NCBP3: variants seen among roughly 807,000 people sequenced by gnomAD.
NCBP3 encodes nuclear cap-binding protein subunit 3.
NCBP3 carries 20 observed loss-of-function variants against 75.7 expected under a neutral mutation model. The ratio of observed to expected loss-of-function variants is 0.26; its 90% CI spans 0.19 to 0.38. NCBP3 has a LOEUF of 0.38. Among genes scored for constraint, NCBP3 ranks in the 10% least tolerant of loss-of-function variants. The pLI is 1.00. For missense variants in NCBP3, 678 were observed against 796.9 expected, an observed-to-expected ratio of 0.85 and a Z score of 1.80; for synonymous variants, 293 against 290.5, an observed-to-expected ratio of 1.01 and a Z score of -0.09.
chr17:3,844,545 C>T (rs367894585), intron 1 of NCBP3, among the ~76,000 whole-genome samples: 2 of 152,054 alleles, frequency 1.3e-5, no homozygotes, highest in South Asian at 2.1e-4. Context: ...TGGTACATAG[C>T]GGGGGATGCA....
At chr17:3,838,327 C>T (rs1238516519) in intron 3 of NCBP3, among the ~76,000 whole-genome samples, 1 of 152,228 alleles carries the variant, frequency 6.6e-6, no homozygotes, top group Non-Finnish European at 1.5e-5. Flanking sequence ...GACCAGAGGT[C>T]GACAGGTGTG....
At position 3,833,648 on chromosome 17, in the gene NCBP3, TAA is replaced by T. The variant is rs200503240; in HGVS notation, c.356-4282_356-4281del. Among the ~76,000 whole-genome samples, 436 of 150,616 alleles carry T rather than the reference TAA, an allele frequency of 2.9e-3. 3 individuals carry two copies. Among genetic ancestry groups the T allele is most frequent in the African/African-American group, 9.6e-3 (396 of 41,108 alleles). ...ACAGTGAGACCTTCTCTATTTTTTTTAAAAAAAAAGACATCTGAGGCCAGAAA... is the reference window on the plus strand; with the variant it reads ...ACAGTGAGACCTTCTCTATTTTTTTTAAAAAAAGACATCTGAGGCCAGAAA... On this transcript the variant is annotated intron_variant, in intron 3 of 12. Transcript: ENST00000389005.
chr17:3,806,547 A>G lies in NCBP3; in HGVS notation c.*6497T>C, dbSNP rs1440108965. On this transcript the variant is annotated 3_prime_UTR_variant, in exon 13 of 13. Transcript: ENST00000389005. ...AAATGAACAGTAAGAATCCTGAGGC[A>G]GGGTACTGACCTTGGTAGGTGAAAT... 1 of 152,216 alleles carries G rather than the reference A, an allele frequency of 6.6e-6. No homozygotes were observed. The highest frequency in any genetic ancestry group is 1.5e-5 in the Non-Finnish European group (1 of 68,038). The allele number at this position is 152,216 out of a possible 1,614,324, so 9.4% of individuals were successfully genotyped here.
In NCBP3 at chr17:3,805,683, AG is replaced by A. The variant is rs2053329696; in HGVS notation, c.*7360del. The A allele has an allele frequency of 6.6e-6, 1 of 152,334 alleles. No homozygotes were observed. The highest frequency in any genetic ancestry group is 1.9e-4 in the East Asian group (1 of 5,206). The allele number at this position is 152,334 out of a possible 1,614,324, so 9.4% of individuals were successfully genotyped here. ...CACTGGGTGCTGGGACCAAGGGTCCAGGGGCTTGGATCTCTTGTTTACAAAC... is the reference window on the plus strand; with the variant it reads ...CACTGGGTGCTGGGACCAAGGGTCCAGGGCTTGGATCTCTTGTTTACAAAC... On this transcript the variant is annotated 3_prime_UTR_variant, in exon 13 of 13. Transcript: ENST00000389005.
At position 3,825,748 on chromosome 17, in the gene NCBP3, T is replaced by G; in HGVS notation, c.687+19A>C. 1 of 1,519,342 alleles carries G rather than the reference T, an allele frequency of 6.6e-7. No individual in the cohort carries two copies. Among genetic ancestry groups the G allele is most frequent in the Non-Finnish European group, 8.9e-7 (1 of 1,119,756 alleles). The allele number at this position is 1,519,342 out of a possible 1,614,324, so 94.1% of individuals were successfully genotyped here. On this transcript the variant is annotated intron_variant, in intron 6 of 12. Transcript: ENST00000389005. ...ATTTTTTACAATAACTTTACATCTATCTTTCCCCTATTACTAACCTCTACA... is the reference window on the plus strand; with the variant it reads ...ATTTTTTACAATAACTTTACATCTAGCTTTCCCCTATTACTAACCTCTACA...
At position 3,826,227 on chromosome 17, in the gene NCBP3, T is replaced by C; in HGVS notation, c.482-12A>G. The C allele has an allele frequency of 3.2e-6, 5 of 1,539,386 alleles. No homozygotes were observed. In the South Asian group the frequency reaches 4.8e-5, roughly 15 times the overall value. On this transcript the variant is annotated splice_polypyrimidine_tract_variant and intron_variant, in intron 4 of 12. Transcript: ENST00000389005. Reference sequence around the variant, plus strand: ...CCAAACTACATTACCTAAAATAAAATGTAAAATAAGACATTACACAGCATG... The same window carrying C: ...CCAAACTACATTACCTAAAATAAAACGTAAAATAAGACATTACACAGCATG...
At chr17:3,842,709 G>A (rs924463744) in intron 2 of NCBP3, among the ~76,000 whole-genome samples, 16 of 152,140 alleles carry the variant, frequency 1.1e-4, no homozygotes, top group African/African-American at 3.6e-4. Context: ...GCAGTGGCAC[G>A]ATTTCAGCTC....
chr17:3,826,624 TTG>T (rs1408706530), intron 4 of NCBP3, among the ~76,000 whole-genome samples: 1 of 146,778 alleles, frequency 6.8e-6, no homozygotes, highest in African/African-American at 2.5e-5. Context: ...GGGTGAGACT[TTG>T]TCTCAAAAGA....
chr17:3,832,539 G>A lies in NCBP3; in HGVS notation c.356-3171C>T, dbSNP rs1290379600. Among the ~76,000 whole-genome samples, 2 of 135,422 alleles carry A rather than the reference G, an allele frequency of 1.5e-5. 1 individual carries two copies. Among genetic ancestry groups the A allele is most frequent in the Non-Finnish European group, 3.4e-5 (2 of 59,172 alleles). The allele number at this position is 135,422 out of a possible 152,430, so 88.8% of individuals were successfully genotyped here. A position where few individuals can be genotyped will look rare whatever the true frequency, so the allele number is the denominator to read the frequency against. On this transcript the variant is annotated intron_variant, in intron 3 of 12. Coordinates refer to ENST00000389005, the MANE Select transcript of NCBP3 (RefSeq NM_001114118.3). ...CCAGCTACTCGGGAGGCTGAGGCAG[G>A]AGAATCACTTGAACCCGGGAGGCGG...
chr17:3,816,353 G>A, intron 10 of NCBP3, 83 bp from the exon 11 acceptor site: 10 of 1,243,870 alleles, frequency 8.0e-6, no homozygotes, highest in South Asian at 1.5e-5. Context: ...ATACTTTGGA[G>A]GAAACAATTT....
At position 3,832,371 on chromosome 17, in the gene NCBP3, C is replaced by A. The variant is rs556385228; in HGVS notation, c.356-3003G>T. On this transcript the variant is annotated intron_variant, in intron 3 of 12. Coordinates refer to ENST00000389005, the MANE Select transcript of NCBP3 (RefSeq NM_001114118.3). ...TTTAATGGGCAGGCGCGGTGGCTCA[C>A]GCCTGTAATCCCAGCACTTTGGGAG... Among the ~76,000 whole-genome samples the A allele has an allele frequency of 5.0e-5, 6 of 120,002 alleles. 1 individual carries two copies. The highest frequency in any genetic ancestry group is 3.3e-4 in the East Asian group (1 of 3,064). 78.7% of individuals were successfully genotyped at this position (120,002 alleles called of 152,430 possible).
chr17:3,840,225 T>C lies in NCBP3; in HGVS notation c.250-20A>G, dbSNP rs1038777336. 9.1e-6 allele frequency: 14 copies of C among 1,543,968 alleles called. No individual in the cohort carries two copies. Among genetic ancestry groups the C allele is most frequent in the Non-Finnish European group, 2.6e-6 (3 of 1,140,212 alleles). On this transcript the variant is annotated intron_variant, in intron 2 of 12. Coordinates refer to ENST00000389005, the MANE Select transcript of NCBP3 (RefSeq NM_001114118.3). The stretch of plus-strand genomic sequence containing the variant: ...TGCTTCCTAGAAAGTACAGAAAAAG[T>C]GAAAGTAGTAAAATATGGAGAAGGC...
At chr17:3,822,203 T>C in intron 7 of NCBP3, 151 bp from the exon 8 acceptor site, 2 of 615,860 alleles carry the variant, frequency 3.2e-6, no homozygotes, top group South Asian at 4.0e-5. Flanking sequence ...ACACTCTGAG[T>C]GCCCACTACA....
Position 3,821,289 on chromosome 17 carries a change from C to T in NCBP3, c.960G>A (p.Gly320=). ...TATACGACGTCAAGCCAACGTCATC[C>T]CCAATCAGGGCTCTCTTCTTGATCA... The part of the protein sequence containing the change: ...RDVIKKRALI[G]DDVGLTSYKH... Residue 320 remains glycine, a synonymous_variant, in exon 9 of 13, where the codon GGG becomes GGA. Coordinates refer to ENST00000389005, the MANE Select transcript of NCBP3 (RefSeq NM_001114118.3). The T allele has an allele frequency of 5.6e-6, 9 of 1,614,070 alleles. No individual in the cohort carries two copies. Among genetic ancestry groups the T allele is most frequent in the Non-Finnish European group, 7.6e-6 (9 of 1,179,978 alleles).
rs991040023 is a variant in NCBP3 at position 3,802,197 on chromosome 17, C to G, written c.*10847G>C. The G allele has an allele frequency of 1.3e-5, 2 of 152,112 alleles. No individual in the cohort carries two copies. The highest frequency in any genetic ancestry group is 2.9e-5 in the Non-Finnish European group (2 of 68,018). The allele number at this position is 152,112 out of a possible 1,614,324, so 9.4% of individuals were successfully genotyped here. On this transcript the variant is annotated 3_prime_UTR_variant, in exon 13 of 13. Transcript: ENST00000389005. ...TATATTTTATTTAATTTTAATTAAA[C>G]GTAAAAAGGCAGGACATTCCAAGGC...
intron 5 of NCBP3, 100 bp downstream of exon 5, chr17:3,825,987 A>C: frequency 6.8e-7 from 1 of 1,466,994 alleles, no homozygotes; most frequent in Non-Finnish European, 9.2e-7. Context: ...ATTAGTTCAG[A>C]AACACTTGGT....
rs1035614871 is a variant in NCBP3 at position 3,807,056 on chromosome 17, T to A, written c.*5988A>T. 2 of 152,252 alleles carry A rather than the reference T, an allele frequency of 1.3e-5. No homozygotes were observed. The highest frequency in any genetic ancestry group is 2.9e-5 in the Non-Finnish European group (2 of 68,046). 9.4% of individuals were successfully genotyped at this position (152,252 alleles called of 1,614,324 possible). ...CTTAAGTCTAAAGCGTGTGTTAGCATCTCACCGTAACTTAATGCTTCGAGT... is the reference window on the plus strand; with the variant it reads ...CTTAAGTCTAAAGCGTGTGTTAGCAACTCACCGTAACTTAATGCTTCGAGT... On this transcript the variant is annotated 3_prime_UTR_variant, in exon 13 of 13. Coordinates refer to ENST00000389005, the MANE Select transcript of NCBP3 (RefSeq NM_001114118.3).
chr17:3,832,456 C>T lies in NCBP3; in HGVS notation c.356-3088G>A, dbSNP rs575735372. On this transcript the variant is annotated intron_variant, in intron 3 of 12. Transcript: ENST00000389005. ...CCATCCTGGCCAACACGGTGAAACC[C>T]CGTCTCTACTAAAAATACAAAACAA... is the stretch of plus-strand genomic sequence containing the variant. Among the ~76,000 whole-genome samples, 150 of 117,178 alleles carry T rather than the reference C, an allele frequency of 1.3e-3. 16 individuals are homozygous for T. Among genetic ancestry groups the T allele is most frequent in the African/African-American group, 3.2e-3 (126 of 38,784 alleles). The allele number at this position is 117,178 out of a possible 152,430, so 76.9% of individuals were successfully genotyped here.
Position 3,807,679 on chromosome 17 carries a change from C to G in NCBP3, c.*5365G>C, listed in dbSNP as rs867429938. 6.6e-6 allele frequency: 1 copy of G among 152,148 alleles called. No individual in the cohort carries two copies. 9.4% of individuals were successfully genotyped at this position (152,148 alleles called of 1,614,324 possible). A position where few individuals can be genotyped will look rare whatever the true frequency, so the allele number is the denominator to read the frequency against. On this transcript the variant is annotated 3_prime_UTR_variant, in exon 13 of 13. Coordinates refer to ENST00000389005, the MANE Select transcript of NCBP3 (RefSeq NM_001114118.3). ...TACAACATGAAAATAAAGCATTGTA[C>G]GTACATGGCAGAAAAATGACTAGCC...
Sources: allele counts gnomAD v4.1 joint callset (sites outside exome capture counted in the v4.1 genomes callset), GRCh38; gene constraint gnomAD v4.1.1; transcripts MANE v1.5; gene names NCBI Gene and HGNC (gene_info 2026-07-23, HGNC 2026-07-21).